Variants in IZUMO1 observed in about 807,000 individuals in gnomAD.
IZUMO1 encodes the protein izumo sperm-oocyte fusion 1, also known as izumo sperm-egg fusion protein 1.
A neutral mutation model predicts 40.7 loss-of-function variants in IZUMO1; 44 were observed. The observed-to-expected ratio is 1.08, with a 90% CI of 0.85 to 1.39. The LOEUF (loss-of-function observed/expected upper bound fraction) is 1.39. IZUMO1 is among the 40% of genes most tolerant of loss of function. IZUMO1 has a pLI of 0.00. For synonymous variants in IZUMO1, 149 were observed against 170.9 expected, an observed-to-expected ratio of 0.87 and a Z score of 1.00; for missense variants, 368 against 436.9, an observed-to-expected ratio of 0.84 and a Z score of 1.41.
intron 5 of IZUMO1, 33 bp downstream of exon 5, chr19:48,744,142 G>A (rs1163079260): frequency 1.2e-6 from 2 of 1,605,084 alleles, no homozygotes; most frequent in Non-Finnish European, 1.7e-6. Flanking sequence ...TCAGAGGGCA[G>A]GATGAGGGTT....
At chr19:48,745,482 T>C in intron 2 of IZUMO1, 143 bp downstream of exon 2, 3 of 1,112,462 alleles carry the variant, frequency 2.7e-6, no homozygotes, top group Admixed American at 2.3e-5. Context: ...CGGTATTTAC[T>C]AGCCTCGGGG....
In IZUMO1 at chr19:48,743,986, C is replaced by T. The variant is rs560470258; in HGVS notation, c.418+189G>A. ...AGCCTGGGTGACAGGGTGAGACTGT[C>T]TCAAAAAAAAGAGTGTAAGTAGAAT... On this transcript the variant is annotated intron_variant, in intron 5 of 9. Coordinates refer to ENST00000332955, the MANE Select transcript of IZUMO1 (RefSeq NM_182575.3). 3 of 638,570 alleles carry T rather than the reference C, an allele frequency of 4.7e-6. No individual in the cohort carries two copies. The South Asian group carries it at 5.4e-5, about 12-fold the overall frequency. 39.6% of individuals were successfully genotyped at this position (638,570 alleles called of 1,614,324 possible). A position where few individuals can be genotyped will look rare whatever the true frequency, so the allele number is the denominator to read the frequency against.
rs775415067 is a variant in IZUMO1, at chr19:48,745,680, G to A, written c.180C>T (p.Ala60=). 2 of 1,614,112 alleles carry A rather than the reference G, an allele frequency of 1.2e-6. No homozygotes were observed. Among genetic ancestry groups the A allele is most frequent in the South Asian group, 1.1e-5 (1 of 91,080 alleles). ...HKAMMERVEN[A]VKDFQELSLN... is the part of the protein sequence containing the mutation. ...GCGACAGTTCCTGGAAATCCTTCAC[G>A]GCATTCTCTACCCTTTCCATCATGG... The change falls in exon 2 of 10, where the codon GCC becomes GCT. Residue 60 remains alanine, a synonymous_variant. Transcript: ENST00000332955.
chr19:48,746,059 A>G, intron 1 of IZUMO1, 127 bp from the exon 2 acceptor site: 1 of 1,423,088 alleles, frequency 7.0e-7, no homozygotes. Context: ...GTCCTTCATC[A>G]AATGCCTCCG....
At chr19:48,742,002 G>C in intron 7 of IZUMO1, 60 bp from the exon 8 acceptor site, 2 of 1,546,368 alleles carry the variant, frequency 1.3e-6, no homozygotes, top group South Asian at 2.5e-5. Context: ...GGGGAGTACA[G>C]GGGTGAGAAG....
rs2033820109 is a variant in IZUMO1, at chr19:48,744,539, C to A, written c.311G>T (p.Gly104Val). Reference sequence around the variant, plus strand: ...AAATAGCTCCTTCACGAAGAGATCGCCTGGGAAGACACAGGAACCCCCAAT... The same window carrying A: ...AAATAGCTCCTTCACGAAGAGATCGACTGGGAAGACACAGGAACCCCCAAT... Reference protein sequence around the residue: ...LKRITDSDVKGDLFVKELFWM... With the variant: ...LKRITDSDVKVDLFVKELFWM... The change falls in exon 4 of 10, where the codon GGC becomes GTC. Residue 104 changes from glycine (G) to valine (V), a missense_variant and splice_region_variant. Physicochemically the swap from Gly to Val is moderately radical, Grantham distance 109. Transcript: ENST00000332955. 6.2e-7 allele frequency: 1 copy of A among 1,610,216 alleles called. No homozygotes were observed. Among genetic ancestry groups the A allele is most frequent in the Non-Finnish European group, 8.5e-7 (1 of 1,176,486 alleles).
Position 48,742,155 on chromosome 19 carries a change from A to G in IZUMO1, c.600+54T>C, listed in dbSNP as rs908310347. The G allele has an allele frequency of 5.9e-6, 9 of 1,514,112 alleles. No homozygotes were observed. The African/African-American group carries it at 1.1e-4, about 19-fold the overall frequency. The allele number at this position is 1,514,112 out of a possible 1,614,324, so 93.8% of individuals were successfully genotyped here. On this transcript the variant is annotated intron_variant, in intron 7 of 9. Coordinates refer to ENST00000332955, the MANE Select transcript of IZUMO1 (RefSeq NM_182575.3). ...GTGGGTGCAGGCCCATAGATCCAGA[A>G]CACAAGTATTGTAGTCTAGGGAGTT...
Position 48,741,683 on chromosome 19 carries a change from A to T in IZUMO1, c.754+106T>A, listed in dbSNP as rs1193198681. On this transcript the variant is annotated intron_variant, in intron 8 of 9. Coordinates refer to ENST00000332955, the MANE Select transcript of IZUMO1 (RefSeq NM_182575.3). The surrounding 1 kb of genome is among the most constrained non-coding windows in gnomAD (Gnocchi z 4.4). ...GCCACACCCCGTGCCCCGAAACCAC[A>T]CCCAACAGGAAGTCACGCCCCCATC... 2 of 1,394,206 alleles carry T rather than the reference A, an allele frequency of 1.4e-6. No individual in the cohort carries two copies. Among genetic ancestry groups the T allele is most frequent in the Non-Finnish European group, 9.6e-7 (1 of 1,044,808 alleles). 86.4% of individuals were successfully genotyped at this position (1,394,206 alleles called of 1,614,324 possible). A position where few individuals can be genotyped will look rare whatever the true frequency, so the allele number is the denominator to read the frequency against.
Position 48,741,208 on chromosome 19 carries a change from C to T in IZUMO1, c.932+93G>A. On this transcript the variant is annotated intron_variant, in intron 9 of 9. Transcript: ENST00000332955. The surrounding 1 kb of genome is among the most constrained non-coding windows in gnomAD (Gnocchi z 4.4). The stretch of plus-strand genomic sequence containing the variant: ...CCCCAGGAAAGTCCTGCTCTCAGGC[C>T]TCAGTAGCCCCCAGACCAGCTTCTG... 1 of 1,454,592 alleles carries T rather than the reference C, an allele frequency of 6.9e-7. No homozygotes were observed. The highest frequency in any genetic ancestry group is 9.2e-7 in the Non-Finnish European group (1 of 1,091,942). The allele number at this position is 1,454,592 out of a possible 1,614,324, so 90.1% of individuals were successfully genotyped here. A position where few individuals can be genotyped will look rare whatever the true frequency, so the allele number is the denominator to read the frequency against.
chr19:48,742,083 C>A, intron 7 of IZUMO1, 126 bp downstream of exon 7: 1 of 1,498,428 alleles, frequency 6.7e-7, no homozygotes, highest in East Asian at 2.3e-5. Context: ...CCCCAGAGGT[C>A]TGTAGAGACC....
In IZUMO1 at chr19:48,743,461, CT is replaced by C. The variant is rs777103459; in HGVS notation, c.482del (p.Lys161SerfsTer18). On this transcript the variant is annotated frameshift_variant, in exon 6 of 10. Coordinates refer to ENST00000332955, the MANE Select transcript of IZUMO1 (RefSeq NM_182575.3). LOFTEE classifies it high-confidence loss of function. The part of the protein sequence containing the change: ...NCKKEVHACR[K>X]SYDCGERNVE... ...TTCTCTCACCCCCGCAATCGTAGGA[CT>C]TTCGACAAGCGTGAACCTCCTTTTT... is the stretch of plus-strand genomic sequence containing the variant. 1.2e-6 allele frequency: 2 copies of C among 1,614,182 alleles called. No individual in the cohort carries two copies. The highest frequency in any genetic ancestry group is 2.2e-5 in the South Asian group (2 of 91,084).
chr19:48,740,865 G>A lies in IZUMO1; in HGVS notation c.*43C>T. 6.2e-7 allele frequency: 1 copy of A among 1,613,194 alleles called. No homozygotes were observed. Among genetic ancestry groups the A allele is most frequent in the Non-Finnish European group, 8.5e-7 (1 of 1,179,506 alleles). ...GGAACCAAAGGCTAGAATCAGTCCCGTCCCGGGGAGTGAGTCAGATGCTTA... is the reference window on the plus strand; with the variant it reads ...GGAACCAAAGGCTAGAATCAGTCCCATCCCGGGGAGTGAGTCAGATGCTTA... On this transcript the variant is annotated 3_prime_UTR_variant, in exon 10 of 10. Coordinates refer to ENST00000332955, the MANE Select transcript of IZUMO1 (RefSeq NM_182575.3). The surrounding 1 kb of genome is among the most constrained non-coding windows in gnomAD (Gnocchi z 5.5).
At chr19:48,744,147 A>T in intron 5 of IZUMO1, 28 bp downstream of exon 5, 11 of 1,608,138 alleles carry the variant, frequency 6.8e-6, no homozygotes, top group Non-Finnish European at 9.4e-6. Context: ...GGGCAGGATG[A>T]GGGTTAACTT....
In IZUMO1 at chr19:48,746,810, G is replaced by A; in HGVS notation, c.-449C>T. On this transcript the variant is annotated 5_prime_UTR_variant, in exon 1 of 10. Coordinates refer to ENST00000332955, the MANE Select transcript of IZUMO1 (RefSeq NM_182575.3). Reference sequence around the variant, plus strand: ...TGCGTGAAATCGAGAGCTTTTCGACGGGGTCTGAGTCACGGACGATCCCCT... The same window carrying A: ...TGCGTGAAATCGAGAGCTTTTCGACAGGGTCTGAGTCACGGACGATCCCCT... The A allele has an allele frequency of 2.0e-6, 2 of 985,344 alleles. No individual in the cohort carries two copies. Among genetic ancestry groups the A allele is most frequent in the Non-Finnish European group, 2.4e-6 (2 of 829,908 alleles). 61.0% of individuals were successfully genotyped at this position (985,344 alleles called of 1,614,324 possible). A position where few individuals can be genotyped will look rare whatever the true frequency, so the allele number is the denominator to read the frequency against.
intron 5 of IZUMO1, 197 bp downstream of exon 5, chr19:48,743,978 G>A: frequency 1.6e-6 from 1 of 623,330 alleles, no homozygotes; most frequent in East Asian, 2.7e-5. Context: ...GTGACAGGGT[G>A]AGACTGTCTC....
chr19:48,744,287 G>T, intron 4 of IZUMO1, 92 bp from the exon 5 acceptor site: 3 of 1,398,732 alleles, frequency 2.1e-6, no homozygotes, highest in Non-Finnish European at 3.0e-6. Context: ...TGGGGGAAGA[G>T]CTGGGCTTTG....
Position 48,746,787 on chromosome 19 carries a change from C to G in IZUMO1, c.-426G>C. On this transcript the variant is annotated 5_prime_UTR_variant, in exon 1 of 10. Transcript: ENST00000332955. Reference sequence around the variant, plus strand: ...TTGGGGACGAGGGTAAGGTTGGTTGCGTGAAATCGAGAGCTTTTCGACGGG... The same window carrying G: ...TTGGGGACGAGGGTAAGGTTGGTTGGGTGAAATCGAGAGCTTTTCGACGGG... The G allele has an allele frequency of 1.0e-6, 1 of 985,340 alleles. No individual in the cohort carries two copies. Among genetic ancestry groups the G allele is most frequent in the Non-Finnish European group, 1.2e-6 (1 of 829,916 alleles). The allele number at this position is 985,340 out of a possible 1,614,324, so 61.0% of individuals were successfully genotyped here.
Position 48,746,476 on chromosome 19 carries a change from A to T in IZUMO1, c.-115T>A, listed in dbSNP as rs2033887855. On this transcript the variant is annotated 5_prime_UTR_variant, in exon 1 of 10. Coordinates refer to ENST00000332955, the MANE Select transcript of IZUMO1 (RefSeq NM_182575.3). ...AGGACCCCACTAACACTTAAGCGAGACTCCATGCGGTCCTCTAGACCTAGG... is the reference window on the plus strand; with the variant it reads ...AGGACCCCACTAACACTTAAGCGAGTCTCCATGCGGTCCTCTAGACCTAGG... The T allele has an allele frequency of 1.0e-6, 1 of 987,290 alleles. No individual in the cohort carries two copies. The highest frequency in any genetic ancestry group is 1.2e-6 in the Non-Finnish European group (1 of 831,206). 61.2% of individuals were successfully genotyped at this position (987,290 alleles called of 1,614,324 possible). A position where few individuals can be genotyped will look rare whatever the true frequency, so the allele number is the denominator to read the frequency against.
At chr19:48,743,422 C>T (rs745325612) in intron 6 of IZUMO1, 23 bp downstream of exon 6, 3 of 1,613,392 alleles carry the variant, frequency 1.9e-6, no homozygotes, top group Non-Finnish European at 8.5e-7. Context: ...ACCAATTCCT[C>T]CTGCTGGGTC....
Sources: gnomAD v4.1 joint callset for allele counts on GRCh38, gnomAD v4.1.1 for gene constraint, Gnocchi (gnomAD v3.1) non-coding constraint, MANE v1.5 for transcripts, NCBI Gene and HGNC (gene_info 2026-07-23, HGNC 2026-07-21) for gene names.